Variants in APBB2 observed in about 807,000 individuals in gnomAD.
APBB2 encodes the protein Fe65-like 1.
Under a neutral mutation model 82.5 loss-of-function variants are expected in APBB2, and 38 were observed. The observed-to-expected ratio is 0.46, with a 90% CI of 0.36 to 0.60. The LOEUF (loss-of-function observed/expected upper bound fraction) is 0.60, where lower values mean the gene tolerates loss of function less well. Among genes scored for constraint, APBB2 ranks in the 20% least tolerant of loss-of-function variants. APBB2 has a pLI of 0.00. For synonymous variants in APBB2, 341 were observed against 368.2 expected (o/e 0.93, Z 0.85); for missense variants, 772 against 972.3 (o/e 0.79, Z 2.74).
chr4:41,014,667 A>G (rs1380992010), intron 5 of APBB2, among the ~76,000 whole-genome samples: 1 of 152,188 alleles, frequency 6.6e-6, no homozygotes, highest in Admixed American at 6.5e-5. Flanking sequence ...ATAAAAAAGC[A>G]TTTCTCTTTG....
chr4:41,009,820 T>TTA (rs1366235570), intron 6 of APBB2, among the ~76,000 whole-genome samples: 1 of 152,218 alleles, frequency 6.6e-6, no homozygotes, highest in African/African-American at 2.4e-5. Context: ...TGTGTTTATT[T>TTA]TATATATATA....
At chr4:40,967,830 A>G (rs1046766400) in intron 6 of APBB2, among the ~76,000 whole-genome samples, 10 of 152,204 alleles carry the variant, frequency 6.6e-5, no homozygotes, top group Admixed American at 5.2e-4. Context: ...TACACCTCCA[A>G]GGATCCTGTG....
chr4:41,018,708 T>C (rs1449831575), intron 5 of APBB2, among the ~76,000 whole-genome samples: 11 of 152,128 alleles, frequency 7.2e-5, no homozygotes, highest in Non-Finnish European at 1.2e-4. Context: ...AATTAAAACA[T>C]CAGTGGTGAT....
intron 10 of APBB2, among the ~76,000 whole-genome samples, chr4:40,927,317 G>A (rs778588066): frequency 1.3e-5 from 2 of 152,068 alleles, no homozygotes; most frequent in African/African-American, 2.4e-5. Context: ...AGGATGGAGC[G>A]GTCAGAGGCC....
At chr4:41,070,470 C>T (rs35867804) in intron 3 of APBB2, among the ~76,000 whole-genome samples, 9,506 of 151,968 alleles carry the variant, frequency 0.063, 345 homozygotes, top group Middle Eastern at 0.13. Flanking sequence ...CCACCACACC[C>T]GACTAATTTT....
intron 5 of APBB2, among the ~76,000 whole-genome samples, chr4:41,027,364 C>CACACATATAT (rs1231769191): frequency 2.4e-4 from 31 of 127,448 alleles, no homozygotes; most frequent in African/African-American, 9.1e-4. Flanking sequence ...CATATTGTTA[C>CACACATATAT]ATATATATAT....
chr4:41,174,504 C>T (rs1477788992), intron 1 of APBB2, among the ~76,000 whole-genome samples: 1 of 152,122 alleles, frequency 6.6e-6, no homozygotes, highest in Non-Finnish European at 1.5e-5. Flanking sequence ...TACCTGAGCA[C>T]AAGACTACTC....
intron 4 of APBB2, among the ~76,000 whole-genome samples, chr4:41,048,299 A>T (rs1468197400): frequency 6.6e-6 from 1 of 152,224 alleles, no homozygotes; most frequent in Non-Finnish European, 1.5e-5. Flanking sequence ...AGTATAATGC[A>T]AACACTGCAA....
chr4:40,856,590 C>T (rs1761255946), intron 12 of APBB2, among the ~76,000 whole-genome samples: 1 of 152,240 alleles, frequency 6.6e-6, no homozygotes, highest in African/African-American at 2.4e-5. Context: ...AAATATCTTT[C>T]AGTCCTAATG....
At chr4:41,110,932 AACT>A (rs771121435) in intron 2 of APBB2, among the ~76,000 whole-genome samples, 1 of 152,232 alleles carries the variant, frequency 6.6e-6, no homozygotes, top group African/African-American at 2.4e-5. Flanking sequence ...ATAATGAAGT[AACT>A]ATACAACTCA....
chr4:40,991,011 A>G (rs57717790), intron 6 of APBB2, among the ~76,000 whole-genome samples: 1 of 134,794 alleles, frequency 7.4e-6, no homozygotes, highest in African/African-American at 2.7e-5. Context: ...ACTGAGTTTC[A>G]TTTTTTTTTT....
At position 40,816,052 on chromosome 4, in the gene APBB2, C is replaced by T. The variant is rs374930235; in HGVS notation, c.*40G>A. 244 of 1,596,864 alleles carry T rather than the reference C, an allele frequency of 1.5e-4. No homozygotes were observed. The highest frequency in any genetic ancestry group is 4.5e-5 in the Non-Finnish European group (53 of 1,166,982). On this transcript the variant is annotated 3_prime_UTR_variant, in exon 18 of 18. Transcript: ENST00000508593. ...GTTCATTTTCTTTAGTGTAGCTAGT[C>T]AATCTTCAGGTAAATAGCCGAGTCC... is the stretch of plus-strand genomic sequence containing the variant.
intron 12 of APBB2, among the ~76,000 whole-genome samples, chr4:40,870,891 C>G (rs535883162): frequency 6.6e-6 from 1 of 152,158 alleles, no homozygotes; most frequent in African/African-American, 2.4e-5. Context: ...TGACACCACA[C>G]CCAGCTAATT....
At chr4:41,037,321 A>C (rs542931076) in intron 4 of APBB2, among the ~76,000 whole-genome samples, 1 of 152,348 alleles carries the variant, frequency 6.6e-6, no homozygotes, top group East Asian at 1.9e-4. Flanking sequence ...AATAATTTTT[A>C]AATATTGATT....
At chr4:41,208,364 C>T (rs895486482) in intron 1 of APBB2, among the ~76,000 whole-genome samples, 4 of 152,198 alleles carry the variant, frequency 2.6e-5, no homozygotes, top group African/African-American at 9.6e-5. Flanking sequence ...TGGGTTCAAG[C>T]GATTCTCCTG....
intron 2 of APBB2, among the ~76,000 whole-genome samples, chr4:41,130,665 C>T (rs1198193942): frequency 6.6e-6 from 1 of 152,152 alleles, no homozygotes; most frequent in Non-Finnish European, 1.5e-5. Context: ...TCTCCTCCAG[C>T]TCTGTGAGGA....
At chr4:40,980,010 T>C (rs927069118) in intron 6 of APBB2, among the ~76,000 whole-genome samples, 13 of 152,208 alleles carry the variant, frequency 8.5e-5, no homozygotes, top group African/African-American at 2.7e-4. Flanking sequence ...CTTGCCTATT[T>C]CACCACTAGC....
intron 10 of APBB2, among the ~76,000 whole-genome samples, chr4:40,918,760 T>C (rs1205238492): frequency 2.3e-5 from 3 of 128,092 alleles, no homozygotes. Context: ...TTTTTCTCTG[T>C]TTTTTTTTTT....
chr4:40,922,507 G>GT (rs139004220), intron 10 of APBB2, among the ~76,000 whole-genome samples: 8,586 of 152,258 alleles, frequency 0.056, 771 homozygotes, highest in African/African-American at 0.19. Context: ...CTTGATCTTT[G>GT]TGACTTAGCT....
Sources: allele counts gnomAD v4.1 joint callset (sites outside exome capture counted in the v4.1 genomes callset), GRCh38; gene constraint gnomAD v4.1.1; transcripts MANE v1.5; gene names NCBI Gene and HGNC (gene_info 2026-07-23, HGNC 2026-07-21).